Variants in CHRNB3 observed in about 807,000 individuals in gnomAD.
CHRNB3 encodes the protein neuronal acetylcholine receptor subunit beta-3.
CHRNB3 carries 37 observed loss-of-function variants against 40.6 expected under a neutral mutation model. That is an observed-to-expected ratio of 0.91 (90% CI 0.70 to 1.20). CHRNB3 has a LOEUF of 1.20. Ranked by LOEUF, CHRNB3 falls within the 50% of genes most tolerant of loss-of-function variation. The pLI is 0.00. For synonymous variants in CHRNB3, 207 were observed against 207.1 expected, an observed-to-expected ratio of 1.00 and a Z score of 0.00; for missense variants, 505 against 551.2, an observed-to-expected ratio of 0.92 and a Z score of 0.84.
At chr8:42,729,475 G>T (rs775645167) in intron 3 of CHRNB3, among the ~76,000 whole-genome samples, 9 of 152,068 alleles carry the variant, frequency 5.9e-5, no homozygotes, top group Non-Finnish European at 1.3e-4. Flanking sequence ...GCTTTTTAAA[G>T]GCCCATACAT....
chr8:42,731,722 G>C lies in CHRNB3; in HGVS notation c.415G>C (p.Gly139Arg), dbSNP rs1171439455. The C allele has an allele frequency of 6.2e-7, 1 of 1,613,838 alleles. No homozygotes were observed. The highest frequency in any genetic ancestry group is 1.3e-5 in the African/African-American group (1 of 74,948). Residue 139 changes from glycine (G) to arginine (R), a missense_variant, in exon 5 of 6, where the codon GGA becomes CGA. Coordinates refer to ENST00000289957, the MANE Select transcript of CHRNB3 (RefSeq NM_000749.5). Reference sequence around the variant, plus strand: ...GACCAAGGTCATCGTGAAATCAAACGGAACTGTTGTCTGGACCCCTCCCGC... The same window carrying C: ...GACCAAGGTCATCGTGAAATCAAACCGAACTGTTGTCTGGACCCCTCCCGC... The part of the protein sequence containing the change: ...LMTKVIVKSN[G>R]TVVWTPPASY...
At chr8:42,698,289 C>T (rs1239070877) in intron 1 of CHRNB3, among the ~76,000 whole-genome samples, 1 of 152,160 alleles carries the variant, frequency 6.6e-6, no homozygotes, top group African/African-American at 2.4e-5. Flanking sequence ...TTTGCACCTG[C>T]CAATTTCCTG....
Position 42,697,379 on chromosome 8 carries a change from C to A in CHRNB3, c.-168C>A, listed in dbSNP as rs1815694331. The A allele has an allele frequency of 5.1e-6, 3 of 586,460 alleles. No homozygotes were observed. Among genetic ancestry groups the A allele is most frequent in the Non-Finnish European group, 9.2e-6 (3 of 325,272 alleles). 36.3% of individuals were successfully genotyped at this position (586,460 alleles called of 1,614,324 possible). On this transcript the variant is annotated 5_prime_UTR_variant, in exon 1 of 6. Coordinates refer to ENST00000289957, the MANE Select transcript of CHRNB3 (RefSeq NM_000749.5). ...GAAGTGCACTTTGAGAAGCGGCACA[C>A]TCGGCGAGAGGGGTTGAGATTGTTT...
chr8:42,698,893 T>A (rs1393060994), intron 1 of CHRNB3, among the ~76,000 whole-genome samples: 1 of 152,220 alleles, frequency 6.6e-6, no homozygotes, highest in Non-Finnish European at 1.5e-5. Flanking sequence ...CTAAGTCTCG[T>A]CCTCTGTGTA....
chr8:42,730,519 A>T, intron 3 of CHRNB3, 75 bp from the exon 4 acceptor site: 1 of 931,030 alleles, frequency 1.1e-6, no homozygotes, highest in Non-Finnish European at 1.6e-6. Flanking sequence ...GGTAAAGCTA[A>T]CAGAAACTTG....
chr8:42,720,092 T>C (rs1362876189), intron 3 of CHRNB3, among the ~76,000 whole-genome samples: 1 of 131,904 alleles, frequency 7.6e-6, no homozygotes, highest in Non-Finnish European at 1.6e-5. Context: ...CACGCAACCC[T>C]GCCCCACTCA....
chr8:42,709,038 AAGTTGTCAC>A (rs1815967495), intron 2 of CHRNB3, among the ~76,000 whole-genome samples, 170 bp downstream of exon 2: 1 of 152,176 alleles, frequency 6.6e-6, no homozygotes, highest in Admixed American at 6.5e-5. Context: ...AAAGAACGAG[AAGTTGTCAC>A]AGGGTAAATT....
rs1235930357 is a variant in CHRNB3 at position 42,730,585 on chromosome 8, T to A, written c.250-9T>A. On this transcript the variant is annotated splice_polypyrimidine_tract_variant and intron_variant, in intron 3 of 5. Transcript: ENST00000289957. ...CGGAATAAAATCACAGTGTACTAATTTCATGCAGGAATGGACAGACCACAA... is the reference window on the plus strand; with the variant it reads ...CGGAATAAAATCACAGTGTACTAATATCATGCAGGAATGGACAGACCACAA... The A allele has an allele frequency of 1.3e-6, 2 of 1,537,662 alleles. No homozygotes were observed. Among genetic ancestry groups the A allele is most frequent in the Admixed American group, 3.8e-5 (2 of 52,926 alleles).
rs1020404723 is a variant in CHRNB3 at position 42,732,350 on chromosome 8, G to T, written c.1043G>T (p.Cys348Phe). Residue 348 changes from cysteine (C) to phenylalanine (F), a missense_variant, in exon 5 of 6, where the codon TGC becomes TTC. By Grantham distance (205) the Cys-to-Phe change is radical. Transcript: ENST00000289957. Reference protein sequence around the residue: ...LFLQKLPKLLCMKDHVDRYSS... With the variant: ...LFLQKLPKLLFMKDHVDRYSS... Reference sequence around the variant, plus strand: ...CTGCAGAAACTTCCAAAATTACTTTGCATGAAAGATCATGTGGATCGCTAC... The same window carrying T: ...CTGCAGAAACTTCCAAAATTACTTTTCATGAAAGATCATGTGGATCGCTAC... 6.8e-6 allele frequency: 11 copies of T among 1,609,076 alleles called. No individual in the cohort carries two copies. The highest frequency in any genetic ancestry group is 3.4e-5 in the Admixed American group (2 of 58,398).
Position 42,732,563 on chromosome 8 carries a change from T to C in CHRNB3, c.1242+14T>C. The C allele has an allele frequency of 2.6e-6, 4 of 1,562,538 alleles. No homozygotes were observed. The highest frequency in any genetic ancestry group is 1.2e-5 in the South Asian group (1 of 80,216). On this transcript the variant is annotated intron_variant, in intron 5 of 5. Coordinates refer to ENST00000289957, the MANE Select transcript of CHRNB3 (RefSeq NM_000749.5). ...TTTATCAGCCAGGTGAGTAAACTGGTATTCCTGATAATGCTGCCGTAAAGG... is the reference window on the plus strand; with the variant it reads ...TTTATCAGCCAGGTGAGTAAACTGGCATTCCTGATAATGCTGCCGTAAAGG...
At position 42,732,346 on chromosome 8, in the gene CHRNB3, C is replaced by T; in HGVS notation, c.1039C>T (p.Leu347Phe). Residue 347 changes from leucine (L) to phenylalanine (F), a missense_variant, in exon 5 of 6, where the codon CTT (leucine) becomes TTT (phenylalanine). By Grantham distance (22) the Leu-to-Phe change is conservative. Transcript: ENST00000289957. ...RLFLQKLPKL[L>F]CMKDHVDRYS... is the part of the protein sequence containing the mutation. ...CTTTCTGCAGAAACTTCCAAAATTA[C>T]TTTGCATGAAAGATCATGTGGATCG... 1 of 1,607,094 alleles carries T rather than the reference C, an allele frequency of 6.2e-7. No individual in the cohort carries two copies. Among genetic ancestry groups the T allele is most frequent in the Non-Finnish European group, 8.5e-7 (1 of 1,178,374 alleles).
At chr8:42,716,085 T>C (rs76002736) in intron 3 of CHRNB3, among the ~76,000 whole-genome samples, 8,126 of 150,822 alleles carry the variant, frequency 0.054, 324 homozygotes, top group Middle Eastern at 0.11. Context: ...TTCAAGTAAT[T>C]CTGCTTCAGC....
intron 1 of CHRNB3, among the ~76,000 whole-genome samples, chr8:42,708,384 T>C (rs1815953796): frequency 6.6e-6 from 1 of 151,940 alleles, no homozygotes. Flanking sequence ...GAGAATGGCA[T>C]GAACCCTGGA....
At chr8:42,720,436 A>G (rs1355309553) in intron 3 of CHRNB3, among the ~76,000 whole-genome samples, 2 of 151,850 alleles carry the variant, frequency 1.3e-5, no homozygotes, top group Non-Finnish European at 2.9e-5. Flanking sequence ...CTTACCCTGC[A>G]TGTTTAGTCT....
chr8:42,726,480 C>CT (rs60852168), intron 3 of CHRNB3, among the ~76,000 whole-genome samples: 6,502 of 133,334 alleles, frequency 0.049, 185 homozygotes, highest in Middle Eastern at 0.12. Context: ...AATTAAATGA[C>CT]TTTTTTTTTT....
At chr8:42,728,669 A>G (rs867083244) in intron 3 of CHRNB3, among the ~76,000 whole-genome samples, 4 of 152,176 alleles carry the variant, frequency 2.6e-5, no homozygotes, top group Non-Finnish European at 5.9e-5. Flanking sequence ...AAACAGAACA[A>G]ATCAGGGATT....
intron 3 of CHRNB3, among the ~76,000 whole-genome samples, chr8:42,714,709 C>A (rs943991529): frequency 6.6e-6 from 1 of 152,148 alleles, no homozygotes; most frequent in African/African-American, 2.4e-5. Flanking sequence ...AACTGTGTAA[C>A]GGGAATAATC....
chr8:42,733,648 G>T (rs944797795), intron 5 of CHRNB3, among the ~76,000 whole-genome samples: 1 of 139,336 alleles, frequency 7.2e-6, no homozygotes, highest in Non-Finnish European at 1.5e-5. Flanking sequence ...GTTGGAGTGC[G>T]GTGGTGTGAT....
At chr8:42,734,948 C>A (rs1016833812) in intron 5 of CHRNB3, among the ~76,000 whole-genome samples, 1 of 151,956 alleles carries the variant, frequency 6.6e-6, no homozygotes, top group Non-Finnish European at 1.5e-5. Flanking sequence ...GGGCCAGGCG[C>A]GGTAGCTCAC....
Sources: gnomAD v4.1 joint callset for allele counts (sites outside exome capture counted in the v4.1 genomes callset) on GRCh38, gnomAD v4.1.1 for gene constraint, MANE v1.5 for transcripts, NCBI Gene and HGNC (gene_info 2026-07-23, HGNC 2026-07-21) for gene names.